Variants in COL5A2 observed in about 807,000 individuals in gnomAD.
COL5A2 encodes collagen alpha-2(V) chain.
A neutral mutation model predicts 208.2 loss-of-function variants in COL5A2; 23 were observed. The observed-to-expected ratio is 0.11, with a 90% CI of 0.08 to 0.16. The LOEUF (loss-of-function observed/expected upper bound fraction) is 0.16. COL5A2 is among the 10% of genes least tolerant of loss of function. COL5A2 has a pLI of 1.00. For synonymous variants in COL5A2, 625 were observed against 628.5 expected, an observed-to-expected ratio of 0.99 and a Z score of 0.08; for missense variants, 1,590 against 1,956.4, an observed-to-expected ratio of 0.81 and a Z score of 3.53.
the COL5A2 span, among the ~76,000 whole-genome samples, chr2:189,352,433 A>T: frequency 6.6e-6 from 1 of 152,154 alleles, no homozygotes; most frequent in Non-Finnish European, 1.5e-5. Context: ...GTAAAATCAT[A>T]CCAATTTCTC....
chr2:189,312,108 G>A, the COL5A2 span: 17 of 815,438 alleles, frequency 2.1e-5, no homozygotes, highest in Non-Finnish European at 3.2e-5. Context: ...ATTGTCCACA[G>A]CATTTGCGAA....
At chr2:189,319,191 C>T in the COL5A2 span, among the ~76,000 whole-genome samples, 1 of 152,178 alleles carries the variant, frequency 6.6e-6, no homozygotes, top group Non-Finnish European at 1.5e-5. Flanking sequence ...AAAGAGACTG[C>T]AAGATGGCCG....
chr2:189,198,756 A>T (rs536270616), intron 1 of COL5A2, among the ~76,000 whole-genome samples: 1 of 152,292 alleles, frequency 6.6e-6, no homozygotes, highest in Non-Finnish European at 1.5e-5. Context: ...TGAGGGATAT[A>T]GTAAGGTAAT....
chr2:189,369,330 C>G, the COL5A2 span, among the ~76,000 whole-genome samples: 45 of 152,172 alleles, frequency 3.0e-4, no homozygotes, highest in Non-Finnish European at 4.9e-4. Flanking sequence ...GACATTAATA[C>G]AGCTATGCCA....
the COL5A2 span, among the ~76,000 whole-genome samples, chr2:189,428,701 C>T: frequency 2.6e-5 from 4 of 152,286 alleles, no homozygotes; most frequent in Admixed American, 1.3e-4. Flanking sequence ...CTCCCTTTGC[C>T]TTCTGCCATG....
At chr2:189,263,374 T>A in the COL5A2 span, among the ~76,000 whole-genome samples, 1 of 152,122 alleles carries the variant, frequency 6.6e-6, no homozygotes, top group South Asian at 2.1e-4. Flanking sequence ...AATACAGTCA[T>A]GTACTGCATA....
the COL5A2 span, among the ~76,000 whole-genome samples, chr2:189,323,693 C>T: frequency 6.6e-6 from 1 of 152,302 alleles, no homozygotes; most frequent in East Asian, 1.9e-4. Flanking sequence ...AATGGAAGAA[C>T]ATTCCATGCT....
At chr2:189,320,784 G>T in the COL5A2 span, among the ~76,000 whole-genome samples, 1 of 152,168 alleles carries the variant, frequency 6.6e-6, no homozygotes, top group Non-Finnish European at 1.5e-5. Flanking sequence ...TAGCAAGGAA[G>T]GCCAACATTC....
chr2:189,048,171 A>T (rs375053240), intron 45 of COL5A2, 38 bp downstream of exon 45: 326 of 1,590,272 alleles, frequency 2.0e-4, no homozygotes, highest in Non-Finnish European at 2.6e-4. Context: ...TCAGATTTGC[A>T]TGACTTTAGA....
chr2:189,032,035 T>A lies in COL5A2; in HGVS notation c.*2035A>T, dbSNP rs1309126509. On this transcript the variant is annotated 3_prime_UTR_variant, in exon 54 of 54. Coordinates refer to ENST00000374866, the MANE Select transcript of COL5A2 (RefSeq NM_000393.5). ...GATTCATCTATATGAACTTATATAA[T>A]CTTATAGTTTGGACTTGGAAGTCAA... The A allele has an allele frequency of 6.6e-6, 1 of 152,152 alleles. No homozygotes were observed. The highest frequency in any genetic ancestry group is 2.4e-5 in the African/African-American group (1 of 41,436). The allele number at this position is 152,152 out of a possible 1,614,324, so 9.4% of individuals were successfully genotyped here. A position where few individuals can be genotyped will look rare whatever the true frequency, so the allele number is the denominator to read the frequency against.
chr2:189,217,008 T>A (rs946553869), intron 1 of COL5A2, among the ~76,000 whole-genome samples: 10 of 151,988 alleles, frequency 6.6e-5, no homozygotes, highest in Non-Finnish European at 1.0e-4. Context: ...AGGGGGAAAG[T>A]GACAACAAGC....
chr2:189,268,425 C>A, the COL5A2 span, among the ~76,000 whole-genome samples: 1 of 152,072 alleles, frequency 6.6e-6, no homozygotes, highest in Non-Finnish European at 1.5e-5. Flanking sequence ...TATTAGTCAT[C>A]AGAAAAAATT....
chr2:189,062,182 TA>T (rs751666549), intron 29 of COL5A2, among the ~76,000 whole-genome samples: 7,070 of 80,818 alleles, frequency 0.087, 186 homozygotes, highest in Middle Eastern at 0.18. Context: ...ATACCTTAAA[TA>T]ATTTTTTTTT....
the COL5A2 span, among the ~76,000 whole-genome samples, chr2:189,397,285 T>A: frequency 6.6e-6 from 1 of 152,228 alleles, no homozygotes; most frequent in Non-Finnish European, 1.5e-5. Context: ...TATTGACTAA[T>A]TGTAAATAAC....
intron 1 of COL5A2, among the ~76,000 whole-genome samples, chr2:189,149,468 T>C (rs1027655016): frequency 6.6e-6 from 1 of 152,210 alleles, no homozygotes; most frequent in African/African-American, 2.4e-5. Flanking sequence ...CTATATTCCA[T>C]TAAACTCTGA....
chr2:189,059,021 TAAAG>T (rs1685964372), intron 31 of COL5A2, 128 bp from the exon 32 acceptor site: 3 of 687,728 alleles, frequency 4.4e-6, no homozygotes. Flanking sequence ...GCCAACAATT[TAAAG>T]AAAGAAAAGT....
At chr2:189,150,358 T>G (rs184504798) in intron 1 of COL5A2, among the ~76,000 whole-genome samples, 1 of 152,232 alleles carries the variant, frequency 6.6e-6, no homozygotes, top group Admixed American at 6.5e-5. Flanking sequence ...TTGCCAAATA[T>G]CAGGACACAA....
the COL5A2 span, among the ~76,000 whole-genome samples, chr2:189,434,481 G>A: frequency 6.6e-6 from 1 of 152,152 alleles, no homozygotes; most frequent in Non-Finnish European, 1.5e-5. Flanking sequence ...CTTCAGCAAA[G>A]TCTCAGGATA....
upstream of COL5A2, among the ~76,000 whole-genome samples, chr2:189,226,436 A>G (rs1336257278): frequency 6.6e-6 from 1 of 152,178 alleles, no homozygotes; most frequent in South Asian, 2.1e-4. Context: ...AGCCAGCCAC[A>G]TTGAAGCAAG....
Sources: gnomAD v4.1 joint callset for allele counts (sites outside exome capture counted in the v4.1 genomes callset) on GRCh38, gnomAD v4.1.1 for gene constraint, MANE v1.5 for transcripts, NCBI Gene and HGNC (gene_info 2026-07-23, HGNC 2026-07-21) for gene names.